PPP1CA: variants seen among roughly 807,000 people sequenced by gnomAD.
PPP1CA encodes serine/threonine-protein phosphatase PP1-alpha catalytic subunit.
PPP1CA carries 14 observed loss-of-function variants against 38.5 expected under a neutral mutation model. The ratio of observed to expected loss-of-function variants is 0.36; its 90% CI spans 0.24 to 0.57. The LOEUF (loss-of-function observed/expected upper bound fraction) is 0.57. Among genes scored for constraint, PPP1CA ranks in the 20% least tolerant of loss-of-function variants. The probability of loss-of-function intolerance (pLI) is 0.80; values close to 1 mark genes in which losing one functional copy is unlikely to be tolerated. For synonymous variants in PPP1CA, 200 were observed against 177.3 expected (o/e 1.13, Z -1.02); for missense variants, 277 against 435.2 (o/e 0.64, Z 3.23).
chr11:67,398,228 C>G lies in PPP1CA; in HGVS notation c.*307G>C. The G allele has an allele frequency of 2.4e-6, 1 of 423,434 alleles. No individual in the cohort carries two copies. The highest frequency in any genetic ancestry group is 4.3e-6 in the Non-Finnish European group (1 of 234,636). 26.2% of individuals were successfully genotyped at this position (423,434 alleles called of 1,614,324 possible). The stretch of plus-strand genomic sequence containing the variant: ...TATTCAAGAGACCAGATGGGTTGCC[C>G]CAGGATCCGGCTGCCAGCCCTGAGG... On this transcript the variant is annotated 3_prime_UTR_variant, in exon 7 of 7. Transcript: ENST00000376745.
At position 67,400,047 on chromosome 11, in the gene PPP1CA, G is replaced by C. The variant is rs371643399; in HGVS notation, c.419-382C>G. Among the ~76,000 whole-genome samples, 18 of 152,180 alleles carry C rather than the reference G, an allele frequency of 1.2e-4. No individual in the cohort carries two copies. The East Asian group carries it at 2.1e-3, about 18-fold the overall frequency. On this transcript the variant is annotated intron_variant, in intron 3 of 6. Coordinates refer to ENST00000376745, the MANE Select transcript of PPP1CA (RefSeq NM_002708.4). ...AGCTACTTGGGAGGCTGAGGCAGGAGAATCGCTTGAACCCAGGAGACGGAG... is the reference window on the plus strand; with the variant it reads ...AGCTACTTGGGAGGCTGAGGCAGGACAATCGCTTGAACCCAGGAGACGGAG...
rs576811711 is a variant in PPP1CA at position 67,401,368 on chromosome 11, G to A, written c.56-169C>T. On this transcript the variant is annotated intron_variant, in intron 1 of 6. Transcript: ENST00000376745. Reference sequence around the variant, plus strand: ...GGGACCGCGGCCTCAAGCCTCCCAGGGGAAGCCCCCAGCTACCCTCAGCGC... The same window carrying A: ...GGGACCGCGGCCTCAAGCCTCCCAGAGGAAGCCCCCAGCTACCCTCAGCGC... 47 of 1,182,698 alleles carry A rather than the reference G, an allele frequency of 4.0e-5. No homozygotes were observed. In the East Asian group the frequency reaches 1.1e-3, roughly 29 times the overall value. The allele number at this position is 1,182,698 out of a possible 1,614,324, so 73.3% of individuals were successfully genotyped here. A position where few individuals can be genotyped will look rare whatever the true frequency, so the allele number is the denominator to read the frequency against.
At chr11:67,401,373 GC>G (rs1258689052) in intron 1 of PPP1CA, 174 bp from the exon 2 acceptor site, 1 of 1,121,484 alleles carries the variant, frequency 8.9e-7, no homozygotes, top group Non-Finnish European at 1.2e-6. Flanking sequence ...CCCAGGGGAA[GC>G]CCCCAGCTAC....
intron 1 of PPP1CA, 199 bp from the exon 2 acceptor site, chr11:67,401,398 G>C: frequency 1.1e-6 from 1 of 884,568 alleles, no homozygotes; most frequent in Non-Finnish European, 1.7e-6. Context: ...CAGCGCCTCG[G>C]GAGGCGACTG....
rs746290875 is a variant in PPP1CA, at chr11:67,401,790, C to T, written c.-8G>A. 3 of 1,468,212 alleles carry T rather than the reference C, an allele frequency of 2.0e-6. No individual in the cohort carries two copies. In the Admixed American group the frequency reaches 6.3e-5, roughly 31 times the overall value. 90.9% of individuals were successfully genotyped at this position (1,468,212 alleles called of 1,614,324 possible). ...CTTCTCGCTGTCGGACATGGCGGCG[C>T]CGCCGCTCCAGCCCAGCAGCTCCTG... On this transcript the variant is annotated 5_prime_UTR_variant, in exon 1 of 7. Transcript: ENST00000376745.
Position 67,398,613 on chromosome 11 carries a change from C to T in PPP1CA, c.915G>A (p.Lys305=), listed in dbSNP as rs1253039244. 6.2e-7 allele frequency: 1 copy of T among 1,614,162 alleles called. No individual in the cohort carries two copies. The highest frequency in any genetic ancestry group is 8.5e-7 in the Non-Finnish European group (1 of 1,180,010). Residue 305 remains lysine (K), a synonymous_variant, in exon 7 of 7, where the codon AAG becomes AAA. Coordinates refer to ENST00000376745, the MANE Select transcript of PPP1CA (RefSeq NM_002708.4). ...GGTTCAGGCCACTGAACTGCCCGTACTTCCCCTTGTTCTTGTCGGCGGGCT... is the reference window on the plus strand; with the variant it reads ...GGTTCAGGCCACTGAACTGCCCGTATTTCCCCTTGTTCTTGTCGGCGGGCT... ...ILKPADKNKG[K]YGQFSGLNPG...
intron 1 of PPP1CA, 78 bp from the exon 2 acceptor site, chr11:67,401,277 T>C: frequency 6.3e-7 from 1 of 1,595,000 alleles, no homozygotes; most frequent in Non-Finnish European, 8.6e-7. Flanking sequence ...CATGGATACC[T>C]CCGGGGGCGC....
intron 4 of PPP1CA, 32 bp downstream of exon 4, chr11:67,399,529 T>G: frequency 1.3e-6 from 2 of 1,589,752 alleles, no homozygotes; most frequent in Non-Finnish European, 8.6e-7. Context: ...ATGCGGCCAG[T>G]GCTCCTCCTC....
chr11:67,401,420 G>C (rs923743029), intron 1 of PPP1CA: 9 of 753,890 alleles, frequency 1.2e-5, no homozygotes, highest in Admixed American at 2.9e-5. Context: ...CGTGCGCAGG[G>C]GGCTGCCACC....
intron 3 of PPP1CA, 146 bp downstream of exon 3, chr11:67,400,543 G>A (rs1460402879): frequency 2.6e-6 from 2 of 772,848 alleles, no homozygotes; most frequent in East Asian, 2.7e-5. Flanking sequence ...GGGCAGGGCA[G>A]GCACGAGAAC....
intron 1 of PPP1CA, 30 bp downstream of exon 1, chr11:67,401,698 C>A (rs758524096): frequency 7.2e-7 from 1 of 1,390,944 alleles, no homozygotes; most frequent in Non-Finnish European, 9.4e-7. Context: ...CAGGGCGCGG[C>A]GGACGCGGGC....
At chr11:67,401,453 C>G in intron 1 of PPP1CA, 1 of 628,188 alleles carries the variant, frequency 1.6e-6, no homozygotes, top group African/African-American at 1.8e-5. Context: ...GCGCAGGACC[C>G]CTTCCTGGAC....
At position 67,398,511 on chromosome 11, in the gene PPP1CA, G is replaced by A. The variant is rs370011151; in HGVS notation, c.*24C>T. On this transcript the variant is annotated 3_prime_UTR_variant, in exon 7 of 7. Coordinates refer to ENST00000376745, the MANE Select transcript of PPP1CA (RefSeq NM_002708.4). ...TTTCTGTACAATCAATCCATCATCT[G>A]GGGCACAGGGTGGTGTGCGGGGGCT... 5 of 1,602,580 alleles carry A rather than the reference G, an allele frequency of 3.1e-6. No homozygotes were observed. Among genetic ancestry groups the A allele is most frequent in the Non-Finnish European group, 4.3e-6 (5 of 1,171,202 alleles).
At position 67,398,362 on chromosome 11, in the gene PPP1CA, G is replaced by A. The variant is rs913042761; in HGVS notation, c.*173C>T. ...GCAGGTGCAGGCAGGAAGCAGCCCTGGGGGACTGGACGCTGCTATTGATTC... is the reference window on the plus strand; with the variant it reads ...GCAGGTGCAGGCAGGAAGCAGCCCTAGGGGACTGGACGCTGCTATTGATTC... On this transcript the variant is annotated 3_prime_UTR_variant, in exon 7 of 7. Transcript: ENST00000376745. 2.9e-6 allele frequency: 2 copies of A among 678,914 alleles called. No homozygotes were observed. The highest frequency in any genetic ancestry group is 4.9e-6 in the Non-Finnish European group (2 of 411,998). 42.1% of individuals were successfully genotyped at this position (678,914 alleles called of 1,614,324 possible). A position where few individuals can be genotyped will look rare whatever the true frequency, so the allele number is the denominator to read the frequency against.
At position 67,398,851 on chromosome 11, in the gene PPP1CA, T is replaced by C. The variant is rs1419109431; in HGVS notation, c.753A>G (p.Val251=). The change falls in exon 6 of 7, where the codon GTA becomes GTG. Residue 251 remains valine, a synonymous_variant. Transcript: ENST00000376745. ...TGGCAAAGAACTCGTAGCCGTCTTC[T>C]ACCACCTGGGCGAGGATGGGAGCAG... is the stretch of plus-strand genomic sequence containing the variant. The part of the protein sequence containing the change: ...LDLICRAHQV[V]EDGYEFFAKR... 2 of 1,612,656 alleles carry C rather than the reference T, an allele frequency of 1.2e-6. No homozygotes were observed. The highest frequency in any genetic ancestry group is 8.5e-7 in the Non-Finnish European group (1 of 1,179,984).
rs1167404909 is a variant in PPP1CA, at chr11:67,400,823, T to A, written c.284A>T (p.Asp95Val). 3 of 1,613,894 alleles carry A rather than the reference T, an allele frequency of 1.9e-6. No individual in the cohort carries two copies. Among genetic ancestry groups the A allele is most frequent in the Non-Finnish European group, 2.5e-6 (3 of 1,180,002 alleles). Residue 95 changes from aspartate to valine, a missense_variant, in exon 3 of 7, where the codon GAC becomes GTC. By Grantham distance (152) the Asp-to-Val change is radical. This residue lies in a region of PPP1CA where 180 missense variants were observed against 356.7 expected (regional missense o/e 0.50). Transcript: ENST00000376745. ...GGTCTCCAAGGACTGCTTGCCCCTG[T>A]CCACATAGTCCCCCAGAAAGAGGTA... ...SNYLFLGDYVDRGKQSLETIC... is the reference protein window; with the variant it reads ...SNYLFLGDYVVRGKQSLETIC...
Position 67,401,141 on chromosome 11 carries a change from C to T in PPP1CA, c.114G>A (p.Leu38=). Residue 38 remains leucine, a synonymous_variant, in exon 2 of 7, where the codon CTG becomes CTA. Transcript: ENST00000376745. ...VQLTENEIRG[L]CLKSREIFLS... The stretch of plus-strand genomic sequence containing the variant: ...GAAAAATCTCCCGGGATTTCAGGCA[C>T]AGACCGCGGATCTCGTTCTCTGTCA... 6.2e-7 allele frequency: 1 copy of T among 1,613,988 alleles called. No individual in the cohort carries two copies. Among genetic ancestry groups the T allele is most frequent in the Non-Finnish European group, 8.5e-7 (1 of 1,180,014 alleles).
chr11:67,401,394 C>T (rs1862885754), intron 1 of PPP1CA, 195 bp from the exon 2 acceptor site: 2 of 928,158 alleles, frequency 2.2e-6, no homozygotes, highest in Non-Finnish European at 3.2e-6. Context: ...CCCTCAGCGC[C>T]TCGGGAGGCG....
rs766862399 is a variant in PPP1CA at position 67,398,560 on chromosome 11, C to T, written c.968G>A (p.Arg323His). The part of the protein sequence containing the change: ...NPGGRPITPP[R>H]NSAKAKK ...CTATTTCTTGGCTTTGGCGGAATTGCGGGGTGGGGTGATGGGTCGGCCTCC... is the reference window on the plus strand; with the variant it reads ...CTATTTCTTGGCTTTGGCGGAATTGTGGGGTGGGGTGATGGGTCGGCCTCC... Residue 323 changes from arginine (R) to histidine (H), a missense_variant, in exon 7 of 7, where the codon CGC becomes CAC. Physicochemically the swap from Arg to His is conservative, Grantham distance 29. Transcript: ENST00000376745. 7 of 1,613,898 alleles carry T rather than the reference C, an allele frequency of 4.3e-6. No homozygotes were observed. Among genetic ancestry groups the T allele is most frequent in the East Asian group, 2.2e-5 (1 of 44,872 alleles).
Sources: gnomAD v4.1 joint callset for allele counts (sites outside exome capture counted in the v4.1 genomes callset) on GRCh38, gnomAD v4.1.1 for gene constraint, gnomAD v4.1.1 regional missense constraint, MANE v1.5 for transcripts, NCBI Gene and HGNC (gene_info 2026-07-23, HGNC 2026-07-21) for gene names.